Variants in CDCA7L observed in about 807,000 individuals in gnomAD.
CDCA7L encodes the protein cell division cycle-associated 7-like protein.
A neutral mutation model predicts 57.4 loss-of-function variants in CDCA7L; 44 were observed. That is an observed-to-expected ratio of 0.77 (90% CI 0.60 to 0.98). CDCA7L has a LOEUF of 0.98. Among genes scored for constraint, CDCA7L ranks in the 50% least tolerant of loss-of-function variants. CDCA7L has a pLI of 0.00. For missense variants in CDCA7L, 644 were observed against 580.6 expected, an observed-to-expected ratio of 1.11 and a Z score of -1.12; for synonymous variants, 236 against 202.8, an observed-to-expected ratio of 1.16 and a Z score of -1.39.
intron 3 of CDCA7L, among the ~76,000 whole-genome samples, chr7:21,910,217 T>C (rs1785272890): frequency 6.6e-6 from 1 of 152,180 alleles, no homozygotes; most frequent in South Asian, 2.1e-4. Context: ...CATTGCTAAC[T>C]GATGATGCCC....
At chr7:21,910,576 C>G (rs1450432497) in intron 3 of CDCA7L, among the ~76,000 whole-genome samples, 1 of 152,182 alleles carries the variant, frequency 6.6e-6, no homozygotes, top group Non-Finnish European at 1.5e-5. Flanking sequence ...CATCTTCATA[C>G]TGAAGAAGAT....
chr7:21,916,584 T>C (rs1466561796), intron 2 of CDCA7L, among the ~76,000 whole-genome samples, 170 bp downstream of exon 2: 3 of 150,826 alleles, frequency 2.0e-5, no homozygotes, highest in African/African-American at 7.3e-5. Context: ...TGAACGAGGT[T>C]CTCTCACCAG....
At chr7:21,931,645 T>C (rs1786020962) in intron 1 of CDCA7L, among the ~76,000 whole-genome samples, 1 of 152,188 alleles carries the variant, frequency 6.6e-6, no homozygotes, top group African/African-American at 2.4e-5. Flanking sequence ...ATAACAGCTA[T>C]TTATGACAAA....
At chr7:21,925,314 A>T (rs1785789185) in intron 1 of CDCA7L, among the ~76,000 whole-genome samples, 1 of 152,150 alleles carries the variant, frequency 6.6e-6, no homozygotes, top group Admixed American at 6.5e-5. Context: ...TAAAACAAGT[A>T]TTCTTTTCAT....
chr7:21,903,404 G>T (rs1274513539), intron 8 of CDCA7L, among the ~76,000 whole-genome samples: 1 of 152,136 alleles, frequency 6.6e-6, no homozygotes, highest in South Asian at 2.1e-4. Flanking sequence ...CAGGTCACAG[G>T]CCCAGGATGT....
At chr7:21,911,003 ATAATTTTTTTTTTTTTTTTTTT>A (rs1785303685) in intron 3 of CDCA7L, among the ~76,000 whole-genome samples, 1 of 135,974 alleles carries the variant, frequency 7.4e-6, no homozygotes, top group Admixed American at 7.5e-5. Context: ...AACTCTTGAG[ATAATTTTTTTTTTTTTTTTTTT>A]TTTTTTTTTT....
chr7:21,911,650 ACT>A lies in CDCA7L; in HGVS notation c.268_269del (p.Ser90Ter). 8 of 1,613,598 alleles carry A rather than the reference ACT, an allele frequency of 5.0e-6. No homozygotes were observed. The highest frequency in any genetic ancestry group is 6.8e-6 in the Non-Finnish European group (8 of 1,179,894). On this transcript the variant is annotated frameshift_variant, in exon 3 of 10. Coordinates refer to ENST00000406877, the MANE Select transcript of CDCA7L (RefSeq NM_018719.5). LOFTEE classifies it high-confidence loss of function. ...ETEDFAGFTQSDLNGKTNPEV... is the reference protein window; with the variant it reads ...ETEDFAGFTQXDLNGKTNPEV... ...CTGGGTTAGTCTTTCCATTCAGATC[ACT>A]CTGCGTAAATCCTGCAAAATCCTCA...
At chr7:21,903,578 C>T (rs1007184573) in intron 8 of CDCA7L, among the ~76,000 whole-genome samples, 3 of 146,310 alleles carry the variant, frequency 2.1e-5, no homozygotes, top group Admixed American at 6.8e-5. Flanking sequence ...AGGTCACACT[C>T]GGGAGCAGGA....
intron 1 of CDCA7L, among the ~76,000 whole-genome samples, chr7:21,930,523 T>C (rs1785973447): frequency 1.3e-5 from 2 of 151,664 alleles, no homozygotes; most frequent in African/African-American, 4.8e-5. Context: ...AGTGAAACCC[T>C]GTCTGTACTA....
intron 1 of CDCA7L, among the ~76,000 whole-genome samples, chr7:21,943,157 TTC>T (rs1436239974): frequency 1.3e-5 from 2 of 152,190 alleles, no homozygotes; most frequent in Non-Finnish European, 2.9e-5. Flanking sequence ...TACGAGCTAT[TTC>T]TGTCATTTTA....
In CDCA7L at chr7:21,911,721, C is replaced by T; in HGVS notation, c.199G>A (p.Glu67Lys). The change falls in exon 3 of 10, where the codon GAA (glutamate) becomes AAA (lysine). Residue 67 changes from glutamate to lysine, a missense_variant. Transcript: ENST00000406877. ...DVRFHSKYFTEELRRIFIEDT... is the reference protein window; with the variant it reads ...DVRFHSKYFTKELRRIFIEDT... The stretch of plus-strand genomic sequence containing the variant: ...TCTATAAAAATTCTTCTTAGCTCTT[C>T]TGTGAAGTATTTGGAATGAAAGCGC... The T allele has an allele frequency of 6.2e-7, 1 of 1,613,312 alleles. No individual in the cohort carries two copies. Among genetic ancestry groups the T allele is most frequent in the Non-Finnish European group, 8.5e-7 (1 of 1,179,868 alleles).
intron 2 of CDCA7L, among the ~76,000 whole-genome samples, chr7:21,913,200 CAGAA>C (rs1210316904): frequency 1.3e-5 from 2 of 152,098 alleles, no homozygotes; most frequent in African/African-American, 4.8e-5. Flanking sequence ...CAGGGGCACA[CAGAA>C]AGAAATGCCT....
intron 1 of CDCA7L, among the ~76,000 whole-genome samples, chr7:21,941,976 C>T (rs942906616): frequency 1.3e-5 from 2 of 152,152 alleles, no homozygotes; most frequent in South Asian, 4.1e-4. Flanking sequence ...GCCAGCTGAG[C>T]TCTGGCAAAA....
At chr7:21,939,448 G>A (rs1004825149) in intron 1 of CDCA7L, among the ~76,000 whole-genome samples, 1 of 152,214 alleles carries the variant, frequency 6.6e-6, no homozygotes, top group African/African-American at 2.4e-5. Context: ...GGTCTTAGAA[G>A]AGCTATTCAG....
chr7:21,928,861 A>T (rs1306411410), intron 1 of CDCA7L, among the ~76,000 whole-genome samples: 3 of 152,162 alleles, frequency 2.0e-5, no homozygotes, highest in Non-Finnish European at 4.4e-5. Flanking sequence ...AGGAGAATGG[A>T]ACCAAATTGG....
At chr7:21,924,040 T>C (rs916392921) in intron 1 of CDCA7L, among the ~76,000 whole-genome samples, 4 of 152,216 alleles carry the variant, frequency 2.6e-5, no homozygotes, top group Non-Finnish European at 5.9e-5. Flanking sequence ...CCTTTGAAAA[T>C]ATTTTAACGT....
chr7:21,905,598 T>G lies in CDCA7L; in HGVS notation c.955A>C (p.Ile319Leu), dbSNP rs142943530. ...TCCTCCACTGGCCGAAAAGAAGATA[T>G]ACGGTGACGTCGTCTGTACTCCCGG... ...KCREYRRRHR[I>L]SSFRPVEDIT... The change falls in exon 7 of 10, where the codon ATA becomes CTA. Residue 319 changes from isoleucine (I) to leucine (L), a missense_variant. Coordinates refer to ENST00000406877, the MANE Select transcript of CDCA7L (RefSeq NM_018719.5). 6.2e-7 allele frequency: 1 copy of G among 1,614,078 alleles called. No individual in the cohort carries two copies. Among genetic ancestry groups the G allele is most frequent in the South Asian group, 1.1e-5 (1 of 91,084 alleles).
In CDCA7L at chr7:21,902,276, G is replaced by C. The variant is rs903096357; in HGVS notation, c.*46C>G. On this transcript the variant is annotated 3_prime_UTR_variant, in exon 10 of 10. Transcript: ENST00000406877. ...TAGGCACCAATGGTATGCATGTCTT[G>C]TTGGAGTACTCTATGGTGAGGTGGC... 5.7e-6 allele frequency: 9 copies of C among 1,586,550 alleles called. No individual in the cohort carries two copies. The highest frequency in any genetic ancestry group is 7.8e-6 in the Non-Finnish European group (9 of 1,155,070).
rs775119691 is a variant in CDCA7L, at chr7:21,945,806, C to T, written c.-2G>A. The T allele has an allele frequency of 3.1e-6, 5 of 1,599,602 alleles. No homozygotes were observed. Among genetic ancestry groups the T allele is most frequent in the East Asian group, 2.3e-5 (1 of 43,102 alleles). ...CTGGTAGCGAGTCGCCAACTCCATTCTTCCTAACCGGGCTCCAGTCTCCTC... is the reference window on the plus strand; with the variant it reads ...CTGGTAGCGAGTCGCCAACTCCATTTTTCCTAACCGGGCTCCAGTCTCCTC... On this transcript the variant is annotated 5_prime_UTR_variant, in exon 1 of 10. Transcript: ENST00000406877.
Sources: gnomAD v4.1 joint callset for allele counts (sites outside exome capture counted in the v4.1 genomes callset) on GRCh38, gnomAD v4.1.1 for gene constraint, MANE v1.5 for transcripts, NCBI Gene and HGNC (gene_info 2026-07-23, HGNC 2026-07-21) for gene names.